YWHAQ: variants seen among roughly 807,000 people sequenced by gnomAD.
YWHAQ encodes tyrosine 3-monooxygenase/tryptophan 5-monooxygenase activation protein theta.
In YWHAQ, 6 loss-of-function variants were observed where a neutral mutation model predicts 28.3. The observed-to-expected ratio is 0.21, with a 90% CI of 0.12 to 0.42. The LOEUF (loss-of-function observed/expected upper bound fraction) is 0.42. Among genes scored for constraint, YWHAQ ranks in the 10% least tolerant of loss-of-function variants. The pLI, the probability that YWHAQ is intolerant of heterozygous loss-of-function variation, is 1.00. For missense variants in YWHAQ, 201 were observed against 305.6 expected (o/e 0.66, Z 2.55); for synonymous variants, 143 against 119.1 (o/e 1.20, Z -1.31).
chr2:9,584,388 CTAAA>C lies in YWHAQ; in HGVS notation c.*894_*897del, dbSNP rs1437104853. 2.0e-5 allele frequency: 3 copies of C among 152,650 alleles called. No individual in the cohort carries two copies. In the East Asian group the frequency reaches 5.8e-4, roughly 29 times the overall value. 9.5% of individuals were successfully genotyped at this position (152,650 alleles called of 1,614,324 possible). A position where few individuals can be genotyped will look rare whatever the true frequency, so the allele number is the denominator to read the frequency against. On this transcript the variant is annotated 3_prime_UTR_variant, in exon 6 of 6. Transcript: ENST00000238081. ...CAACACACAATAGTGGTCCAACTCT[CTAAA>C]TAACAATCACTAGACAAACTGGACA...
chr2:9,622,496 C>T (rs1461218857), intron 2 of YWHAQ, among the ~76,000 whole-genome samples: 1 of 152,138 alleles, frequency 6.6e-6, no homozygotes, highest in African/African-American at 2.4e-5. Flanking sequence ...TAGTTTTCTG[C>T]TCTTAGAATA....
chr2:9,590,332 G>A (rs564780888), intron 3 of YWHAQ, among the ~76,000 whole-genome samples: 6 of 152,204 alleles, frequency 3.9e-5, no homozygotes, highest in Non-Finnish European at 8.8e-5. Context: ...AGTAAGTTTA[G>A]TATATAGATT....
chr2:9,628,148 A>C (rs1667285488), intron 2 of YWHAQ, among the ~76,000 whole-genome samples: 1 of 152,102 alleles, frequency 6.6e-6, no homozygotes, highest in South Asian at 2.1e-4. Flanking sequence ...CAACTTGAAG[A>C]AGTGCTTTCC....
At chr2:9,610,307 T>C (rs1314898768) in intron 2 of YWHAQ, among the ~76,000 whole-genome samples, 2 of 152,230 alleles carry the variant, frequency 1.3e-5, no homozygotes, top group African/African-American at 2.4e-5. Context: ...CCTAGTTGTA[T>C]CTCAGTTTCT....
chr2:9,623,496 G>A (rs763603398), intron 2 of YWHAQ, among the ~76,000 whole-genome samples: 1 of 152,222 alleles, frequency 6.6e-6, no homozygotes, highest in Non-Finnish European at 1.5e-5. Flanking sequence ...AACCACGGCC[G>A]GGTGCAGTGG....
chr2:9,627,990 G>A (rs1418822886), intron 2 of YWHAQ, among the ~76,000 whole-genome samples: 3 of 152,148 alleles, frequency 2.0e-5, no homozygotes, highest in Non-Finnish European at 4.4e-5. Flanking sequence ...CATCTGATGG[G>A]AATATTGTGG....
rs80236399 is a variant in YWHAQ, at chr2:9,611,467, T to C, written c.294+18692A>G. ...TCACTGTGGATCTAGGCTTGAAAGA[T>C]TGCTCCACCCTGGTATAGCTCACAA... On this transcript the variant is annotated intron_variant, in intron 2 of 5. Transcript: ENST00000238081. 4.2e-3 allele frequency among the ~76,000 whole-genome samples: 636 copies of C among 152,282 alleles called. 8 individuals are homozygous for C. Among genetic ancestry groups the C allele is most frequent in the African/African-American group, 0.014 (591 of 41,554 alleles).
At chr2:9,627,530 C>T (rs949380472) in intron 2 of YWHAQ, among the ~76,000 whole-genome samples, 2 of 152,116 alleles carry the variant, frequency 1.3e-5, no homozygotes, top group African/African-American at 4.8e-5. Context: ...CCTCAAACCA[C>T]GAATTCTAGA....
Position 9,584,312 on chromosome 2 carries a change from T to C in YWHAQ, c.*974A>G, listed in dbSNP as rs1199296942. 2 of 152,672 alleles carry C rather than the reference T, an allele frequency of 1.3e-5. No homozygotes were observed. The highest frequency in any genetic ancestry group is 1.9e-4 in the East Asian group (1 of 5,200). 9.5% of individuals were successfully genotyped at this position (152,672 alleles called of 1,614,324 possible). A position where few individuals can be genotyped will look rare whatever the true frequency, so the allele number is the denominator to read the frequency against. On this transcript the variant is annotated 3_prime_UTR_variant, in exon 6 of 6. Transcript: ENST00000238081. Reference sequence around the variant, plus strand: ...TATTTTATGTTACTCTGCTGTTACATAGGGCATAACATTTTCACAAGGCTT... The same window carrying C: ...TATTTTATGTTACTCTGCTGTTACACAGGGCATAACATTTTCACAAGGCTT...
intron 3 of YWHAQ, among the ~76,000 whole-genome samples, chr2:9,589,181 A>C (rs1666406317): frequency 6.6e-6 from 1 of 152,230 alleles, no homozygotes; most frequent in Non-Finnish European, 1.5e-5. Flanking sequence ...TAATGGAAAA[A>C]AAACATGAGA....
chr2:9,621,968 C>T (rs562818740), intron 2 of YWHAQ, among the ~76,000 whole-genome samples: 1 of 152,212 alleles, frequency 6.6e-6, no homozygotes, highest in African/African-American at 2.4e-5. Flanking sequence ...TTTTCACTTA[C>T]AAGTGGGAGT....
chr2:9,602,855 A>G, intron 2 of YWHAQ, among the ~76,000 whole-genome samples: 1 of 14,456 alleles, frequency 6.9e-5, no homozygotes. Context: ...AAAAAAAAAA[A>G]AAAAAAAATA....
At chr2:9,618,012 C>T (rs963327417) in intron 2 of YWHAQ, among the ~76,000 whole-genome samples, 3 of 151,618 alleles carry the variant, frequency 2.0e-5, no homozygotes, top group Non-Finnish European at 4.4e-5. Context: ...AGACACAAAA[C>T]ACTACATATT....
intron 2 of YWHAQ, among the ~76,000 whole-genome samples, chr2:9,621,419 A>C (rs1015015643): frequency 2.2e-4 from 34 of 152,176 alleles, no homozygotes; most frequent in African/African-American, 8.0e-4. Flanking sequence ...AAAGACACTC[A>C]ACCAGTGATG....
chr2:9,608,634 A>G (rs540672793), intron 2 of YWHAQ, among the ~76,000 whole-genome samples: 6 of 152,354 alleles, frequency 3.9e-5, no homozygotes, highest in Admixed American at 3.9e-4. Flanking sequence ...AGTGCCATAA[A>G]AAAAAGCAAC....
At chr2:9,589,474 C>T (rs1027978576) in intron 3 of YWHAQ, among the ~76,000 whole-genome samples, 6 of 152,096 alleles carry the variant, frequency 3.9e-5, no homozygotes, top group African/African-American at 1.4e-4. Context: ...ATCCCAGCTA[C>T]TTGGGAGGCT....
At chr2:9,621,341 T>A (rs1667139580) in intron 2 of YWHAQ, among the ~76,000 whole-genome samples, 1 of 152,098 alleles carries the variant, frequency 6.6e-6, no homozygotes, top group Admixed American at 6.5e-5. Context: ...TCAATACCGT[T>A]CTATACATTC....
At chr2:9,629,491 T>C (rs1667312498) in intron 2 of YWHAQ, among the ~76,000 whole-genome samples, 1 of 152,202 alleles carries the variant, frequency 6.6e-6, no homozygotes, top group African/African-American at 2.4e-5. Flanking sequence ...TGCTCCACAC[T>C]GGAAACGAAT....
Position 9,630,536 on chromosome 2 carries a change from T to TTCACGTCTCC in YWHAQ, c.-82-3_-82-2insGGAGACGTGA. 1 of 1,342,738 alleles carries TTCACGTCTCC rather than the reference T, an allele frequency of 7.4e-7. No individual in the cohort carries two copies. Among genetic ancestry groups the TTCACGTCTCC allele is most frequent in the Non-Finnish European group, 9.9e-7 (1 of 1,013,012 alleles). The allele number at this position is 1,342,738 out of a possible 1,614,324, so 83.2% of individuals were successfully genotyped here. On this transcript the variant is annotated splice_polypyrimidine_tract_variant and splice_region_variant and intron_variant, in intron 1 of 5. Coordinates refer to ENST00000238081, the MANE Select transcript of YWHAQ (RefSeq NM_006826.4). This position sits in a 1 kb window ranked among gnomAD's most constrained non-coding sequence, Gnocchi z 5.6. ...CCGCAGCGGGAGGAGCCTCGAGAGC[T>TTCACGTCTCC]GCGGAGGGGCGGGGCGGCGAGGCGA...
Sources: allele counts gnomAD v4.1 joint callset (sites outside exome capture counted in the v4.1 genomes callset), GRCh38; gene constraint gnomAD v4.1.1; non-coding constraint Gnocchi (gnomAD v3.1); transcripts MANE v1.5; gene names NCBI Gene and HGNC (gene_info 2026-07-23, HGNC 2026-07-21).